The following DIAPH3 variants were observed in gnomAD, a reference collection of about 807,000 sequenced individuals.
DIAPH3 encodes the protein diaphanous related formin 3, also known as protein diaphanous homolog 3.
A neutral mutation model predicts 144.3 loss-of-function variants in DIAPH3; 117 were observed. The ratio of observed to expected loss-of-function variants is 0.81; its 90% confidence interval spans 0.70 to 0.95. The LOEUF (loss-of-function observed/expected upper bound fraction) is 0.95. Ranked by LOEUF, DIAPH3 falls within the 40% of genes least tolerant of loss-of-function variation. The pLI is 0.00. For synonymous variants in DIAPH3, 519 were observed against 488.9 expected (o/e 1.06, Z -0.81); for missense variants, 1,421 against 1,412.7 (o/e 1.01, Z -0.09).
At chr13:60,027,842 T>C (rs2054486260) in intron 5 of DIAPH3, among the ~76,000 whole-genome samples, 1 of 152,216 alleles carries the variant, frequency 6.6e-6, no homozygotes. Flanking sequence ...TCATTTTAAA[T>C]ATAGACTAAT....
chr13:59,704,360 T>G lies in DIAPH3; in HGVS notation c.3320-37514A>C, dbSNP rs118166413. Reference sequence around the variant, plus strand: ...AGACAGGTAGACTTTGCTCCAAAATTTAAGTTCCTCTGGTCCTCACTGTTT... The same window carrying G: ...AGACAGGTAGACTTTGCTCCAAAATGTAAGTTCCTCTGGTCCTCACTGTTT... On this transcript the variant is annotated intron_variant, in intron 27 of 27. Transcript: ENST00000400324. 1.1e-3 allele frequency among the ~76,000 whole-genome samples: 169 copies of G among 152,340 alleles called. 2 individuals are homozygous for G. The highest frequency in any genetic ancestry group is 8.5e-4 in the Non-Finnish European group (58 of 68,032).
At chr13:59,970,286 G>A (rs776256363) in intron 16 of DIAPH3, among the ~76,000 whole-genome samples, 1 of 152,140 alleles carries the variant, frequency 6.6e-6, no homozygotes, top group African/African-American at 2.4e-5. Context: ...TTTGAAATAC[G>A]ATTTAATTAG....
chr13:59,837,017 C>A (rs530532919), intron 23 of DIAPH3, among the ~76,000 whole-genome samples: 1 of 152,026 alleles, frequency 6.6e-6, no homozygotes, highest in East Asian at 1.9e-4. Context: ...CAAAGACTCG[C>A]AATGAATGAA....
chr13:60,020,827 C>T (rs561950834), intron 5 of DIAPH3: 2 of 152,310 alleles, frequency 1.3e-5, no homozygotes, highest in African/African-American at 4.8e-5. Context: ...AAATGCTATA[C>T]TCATGGTGCT....
At position 59,879,326 on chromosome 13, in the gene DIAPH3, C is replaced by A; in HGVS notation, c.2510G>T (p.Ser837Ile). 1.2e-6 allele frequency: 2 copies of A among 1,613,850 alleles called. No individual in the cohort carries two copies. Among genetic ancestry groups the A allele is most frequent in the Non-Finnish European group, 1.7e-6 (2 of 1,179,852 alleles). The part of the protein sequence containing the change: ...CEEIKKSKSF[S>I]KLLELVLLMG... Reference sequence around the variant, plus strand: ...TAGCAATACAAGTTCCAGCAACTTGCTAAAGCTTTTGCTCTTCTTTATCTC... The same window carrying A: ...TAGCAATACAAGTTCCAGCAACTTGATAAAGCTTTTGCTCTTCTTTATCTC... The change falls in exon 21 of 28, where the codon AGC becomes ATC. Residue 837 changes from serine (S) to isoleucine (I), a missense_variant. By Grantham distance (142) the Ser-to-Ile change is moderately radical. Coordinates refer to ENST00000400324, the MANE Select transcript of DIAPH3 (RefSeq NM_001042517.2).
rs185907462 is a variant in DIAPH3, at chr13:59,788,484, A to T, written c.3164-13661T>A. Among the ~76,000 whole-genome samples, 870 of 152,278 alleles carry T rather than the reference A, an allele frequency of 5.7e-3. 5 individuals are homozygous for T. Among genetic ancestry groups the T allele is most frequent in the Non-Finnish European group, 8.4e-3 (568 of 68,014 alleles). ...AATAGCTTTTTTAAAAAGAAAAAAG[A>T]TTGCACATATCACATAATAATTTTT... On this transcript the variant is annotated intron_variant, in intron 25 of 27. Coordinates refer to ENST00000400324, the MANE Select transcript of DIAPH3 (RefSeq NM_001042517.2).
chr13:59,795,884 C>T (rs562149447), intron 25 of DIAPH3, among the ~76,000 whole-genome samples: 10 of 152,242 alleles, frequency 6.6e-5, no homozygotes, highest in Admixed American at 6.5e-4. Context: ...CATTTCCACC[C>T]GCTTGCCAGC....
At chr13:59,872,643 C>G (rs2044346907) in intron 21 of DIAPH3, among the ~76,000 whole-genome samples, 1 of 152,178 alleles carries the variant, frequency 6.6e-6, no homozygotes, top group Non-Finnish European at 1.5e-5. Context: ...AGAGGTAAGA[C>G]ACTTCTTAGA....
intron 2 of DIAPH3, among the ~76,000 whole-genome samples, chr13:60,122,275 C>A (rs55670560): frequency 8.6e-4 from 131 of 152,284 alleles, no homozygotes; most frequent in Non-Finnish European, 1.3e-3. Flanking sequence ...ACACCTCATA[C>A]CCCATCCCCT....
intron 27 of DIAPH3, among the ~76,000 whole-genome samples, chr13:59,724,571 T>C (rs2035514693): frequency 6.6e-6 from 1 of 152,208 alleles, no homozygotes; most frequent in African/African-American, 2.4e-5. Flanking sequence ...CTATTTCCTC[T>C]TTTTCCCCTG....
At chr13:59,789,137 G>T (rs867656294) in intron 25 of DIAPH3, among the ~76,000 whole-genome samples, 6 of 152,076 alleles carry the variant, frequency 3.9e-5, no homozygotes, top group South Asian at 2.1e-4. Flanking sequence ...GTCGGCGGGT[G>T]GGGGGGAATG....
At chr13:60,034,359 C>G (rs1362022407) in intron 5 of DIAPH3, 1 of 150,970 alleles carries the variant, frequency 6.6e-6, no homozygotes, top group East Asian at 1.9e-4. Flanking sequence ...GTTTTTTTTT[C>G]CAAATTGTTT....
intron 4 of DIAPH3, among the ~76,000 whole-genome samples, chr13:60,056,434 A>G (rs1290498600): frequency 1.3e-5 from 2 of 151,776 alleles, no homozygotes; most frequent in African/African-American, 2.4e-5. Context: ...ATACACACAT[A>G]CTCATGTACA....
chr13:59,989,097 G>A (rs964312388), intron 12 of DIAPH3, among the ~76,000 whole-genome samples: 8 of 151,680 alleles, frequency 5.3e-5, no homozygotes, highest in African/African-American at 1.7e-4. Context: ...ATGTGTGTTC[G>A]TATCAAAAGT....
intron 3 of DIAPH3, among the ~76,000 whole-genome samples, 180 bp downstream of exon 3, chr13:60,111,830 T>C (rs930775813): frequency 6.6e-6 from 1 of 152,198 alleles, no homozygotes; most frequent in South Asian, 2.1e-4. Flanking sequence ...TGGTATGTTG[T>C]TTTTCTTCAG....
intron 7 of DIAPH3, among the ~76,000 whole-genome samples, chr13:60,015,254 C>A (rs1411856887): frequency 1.3e-5 from 2 of 152,104 alleles, no homozygotes; most frequent in Admixed American, 6.6e-5. Flanking sequence ...GCCTCGGCAT[C>A]CCAAAGCGGT....
chr13:59,675,436 G>C (rs1479210682), intron 27 of DIAPH3, among the ~76,000 whole-genome samples: 2 of 151,006 alleles, frequency 1.3e-5, no homozygotes, highest in African/African-American at 4.9e-5. Flanking sequence ...CCAGGCTGGA[G>C]TGCAGTGGCA....
At chr13:60,041,312 T>C (rs542778625) in intron 5 of DIAPH3, among the ~76,000 whole-genome samples, 21 of 152,206 alleles carry the variant, frequency 1.4e-4, no homozygotes, top group Non-Finnish European at 1.5e-5. Flanking sequence ...CAAATCTTTA[T>C]GGAGCATTTC....
intron 22 of DIAPH3, among the ~76,000 whole-genome samples, chr13:59,841,751 CA>C (rs1370558992): frequency 6.6e-6 from 1 of 152,086 alleles, no homozygotes; most frequent in Non-Finnish European, 1.5e-5. Context: ...ATGGTAATAA[CA>C]ACATCTAAAA....
Sources: allele counts gnomAD v4.1 joint callset (sites outside exome capture counted in the v4.1 genomes callset), GRCh38; gene constraint gnomAD v4.1.1; transcripts MANE v1.5; gene names NCBI Gene and HGNC (gene_info 2026-07-23, HGNC 2026-07-21).